Variants in TNN observed in about 807,000 individuals in gnomAD.
TNN encodes the protein tenascin N.
A neutral mutation model predicts 134.4 loss-of-function variants in TNN; 122 were observed. The observed-to-expected ratio is 0.91, with a 90% CI of 0.78 to 1.06. The LOEUF is 1.06. Ranked by LOEUF, TNN falls within the 50% of genes least tolerant of loss-of-function variation. The pLI is 0.00. For synonymous variants in TNN, 710 were observed against 670.3 expected (o/e 1.06, Z -0.91); for missense variants, 1,739 against 1,699.4 (o/e 1.02, Z -0.41).
chr1:175,105,408 C>A (rs1341944618), intron 9 of TNN, among the ~76,000 whole-genome samples: 2 of 145,126 alleles, frequency 1.4e-5, no homozygotes, highest in Non-Finnish European at 1.5e-5. Context: ...TCCTTCTGGG[C>A]AGGGGAGATT....
chr1:175,133,403 C>T (rs1036941110), intron 15 of TNN, among the ~76,000 whole-genome samples: 3 of 152,182 alleles, frequency 2.0e-5, no homozygotes, highest in African/African-American at 4.8e-5. Context: ...ACTGACACAG[C>T]CCTTGCTAAA....
chr1:175,111,357 C>T (rs1449140651), intron 9 of TNN, among the ~76,000 whole-genome samples: 4 of 150,710 alleles, frequency 2.7e-5, no homozygotes, highest in African/African-American at 9.7e-5. Flanking sequence ...CATGATGGTG[C>T]ACGCCTGTAA....
intron 6 of TNN, among the ~76,000 whole-genome samples, chr1:175,093,619 T>C (rs909982450): frequency 3.9e-5 from 6 of 152,046 alleles, no homozygotes; most frequent in African/African-American, 1.4e-4. Context: ...TGAGGAGAAC[T>C]AGGGAGGGGA....
chr1:175,076,281 G>T (rs138154004), intron 1 of TNN, among the ~76,000 whole-genome samples: 1 of 152,128 alleles, frequency 6.6e-6, no homozygotes, highest in Non-Finnish European at 1.5e-5. Context: ...ATCTCAGGTC[G>T]CCTGGCTTGA....
At chr1:175,069,236 T>C (rs1673864620) in intron 1 of TNN, among the ~76,000 whole-genome samples, 1 of 152,170 alleles carries the variant, frequency 6.6e-6, no homozygotes, top group South Asian at 2.1e-4. Context: ...CAGGGCTACG[T>C]ATTGGCAGCT....
chr1:175,083,736 C>T lies in TNN; in HGVS notation c.1049-14C>T, dbSNP rs1674254408. On this transcript the variant is annotated splice_polypyrimidine_tract_variant and intron_variant, in intron 4 of 18. Coordinates refer to ENST00000239462, the MANE Select transcript of TNN (RefSeq NM_022093.2). ...CTTCACCACTTTCTCTTGCCTCCGTCACCCCTGCCCTAGACCTTGCTGTGC... is the reference window on the plus strand; with the variant it reads ...CTTCACCACTTTCTCTTGCCTCCGTTACCCCTGCCCTAGACCTTGCTGTGC... The T allele has an allele frequency of 6.2e-7, 1 of 1,610,506 alleles. No individual in the cohort carries two copies. The highest frequency in any genetic ancestry group is 8.5e-7 in the Non-Finnish European group (1 of 1,177,958).
intron 9 of TNN, among the ~76,000 whole-genome samples, chr1:175,111,782 T>A (rs1675034578): frequency 6.6e-6 from 1 of 152,152 alleles, no homozygotes; most frequent in Non-Finnish European, 1.5e-5. Context: ...TCCTTGATTT[T>A]TTTTTTTATG....
intron 15 of TNN, among the ~76,000 whole-genome samples, chr1:175,135,084 C>T (rs562393865): frequency 2.0e-5 from 3 of 152,302 alleles, no homozygotes; most frequent in African/African-American, 7.2e-5. Flanking sequence ...CTGACCACTC[C>T]TACTCATCCT....
chr1:175,139,979 G>T (rs1359200136), intron 17 of TNN, among the ~76,000 whole-genome samples: 1 of 152,260 alleles, frequency 6.6e-6, no homozygotes, highest in South Asian at 2.1e-4. Flanking sequence ...TTATAATACA[G>T]TTGGGAAACA....
At position 175,104,814 on chromosome 1, in the gene TNN, A is replaced by G. The variant is rs938953617; in HGVS notation, c.2119+6219A>G. Among the ~76,000 whole-genome samples, 6 of 145,648 alleles carry G rather than the reference A, an allele frequency of 4.1e-5. 1 individual carries two copies. Among genetic ancestry groups the G allele is most frequent in the African/African-American group, 1.5e-4 (6 of 40,422 alleles). Reference sequence around the variant, plus strand: ...AGTGATTCGGGTGACAGGGGAGTATATTTTCTTAAGGCCTCTTGTAGCCGC... The same window carrying G: ...AGTGATTCGGGTGACAGGGGAGTATGTTTTCTTAAGGCCTCTTGTAGCCGC... On this transcript the variant is annotated intron_variant, in intron 9 of 18. Coordinates refer to ENST00000239462, the MANE Select transcript of TNN (RefSeq NM_022093.2).
rs151048294 is a variant in TNN, at chr1:175,094,091, C to T, written c.1426C>T (p.Arg476Cys). 53 of 1,614,158 alleles carry T rather than the reference C, an allele frequency of 3.3e-5. No individual in the cohort carries two copies. The highest frequency in any genetic ancestry group is 1.0e-4 in the Admixed American group (6 of 60,014). ...GGCTGTCATAGACAAGTATGTAGTG[C>T]GCTACACTTCTGCTGATGGGGACAC... is the stretch of plus-strand genomic sequence containing the variant. ...VQAVIDKYVV[R>C]YTSADGDTKE... The change falls in exon 7 of 19, where the codon CGC becomes TGC. Residue 476 changes from arginine to cysteine, a missense_variant. Physicochemically the swap from Arg to Cys is radical, Grantham distance 180. Coordinates refer to ENST00000239462, the MANE Select transcript of TNN (RefSeq NM_022093.2).
At chr1:175,112,665 T>G (rs1212124968) in intron 9 of TNN, among the ~76,000 whole-genome samples, 1 of 136,312 alleles carries the variant, frequency 7.3e-6, no homozygotes, top group Non-Finnish European at 1.5e-5. Context: ...TTGTCCAGGC[T>G]GGAATGCAGT....
rs1676102418 is a variant in TNN, at chr1:175,147,476, T to C, written c.*405T>C. On this transcript the variant is annotated 3_prime_UTR_variant, in exon 19 of 19. Coordinates refer to ENST00000239462, the MANE Select transcript of TNN (RefSeq NM_022093.2). ...GGAAAGAAGCACAGAGGAGGAGTTC[T>C]GATGACCCAGGGGTTAGGGCTGAGA... 1 of 156,254 alleles carries C rather than the reference T, an allele frequency of 6.4e-6. No homozygotes were observed. The highest frequency in any genetic ancestry group is 1.4e-5 in the Non-Finnish European group (1 of 70,964). The allele number at this position is 156,254 out of a possible 1,614,324, so 9.7% of individuals were successfully genotyped here. A position where few individuals can be genotyped will look rare whatever the true frequency, so the allele number is the denominator to read the frequency against.
At position 175,098,402 on chromosome 1, in the gene TNN, G is replaced by C. The variant is rs147467900; in HGVS notation, c.1926G>C (p.Pro642=). 6.2e-7 allele frequency: 1 copy of C among 1,614,160 alleles called. No individual in the cohort carries two copies. The highest frequency in any genetic ancestry group is 8.5e-7 in the Non-Finnish European group (1 of 1,180,020). Reference sequence around the variant, plus strand: ...ATATGGCCACGGTCTCCTGGGACCCGGTGCAGGCCGCCATTGACAAGTACG... The same window carrying C: ...ATATGGCCACGGTCTCCTGGGACCCCGTGCAGGCCGCCATTGACAAGTACG... ...TENMATVSWD[P]VQAAIDKYVV... The change falls in exon 9 of 19, where the codon CCG becomes CCC. Residue 642 remains proline (P), a synonymous_variant. Transcript: ENST00000239462.
chr1:175,075,495 C>T (rs1674019280), intron 1 of TNN, among the ~76,000 whole-genome samples: 1 of 152,124 alleles, frequency 6.6e-6, no homozygotes, highest in Non-Finnish European at 1.5e-5. Context: ...AAGGTTTCAC[C>T]ATGTTGGCCA....
At chr1:175,097,287 A>G (rs1432774755) in intron 7 of TNN, 130 bp from the exon 8 acceptor site, 4 of 1,214,228 alleles carry the variant, frequency 3.3e-6, no homozygotes, top group Non-Finnish European at 4.6e-6. Context: ...AGACCTTTAC[A>G]TTAACTCAAT....
rs201938683 is a variant in TNN, at chr1:175,118,630, C to T, written c.2456C>T (p.Pro819Leu). ...TENTATVSWDPVQATIDRYVV... is the reference protein window; with the variant it reads ...TENTATVSWDLVQATIDRYVV... ...AATACAGCCACTGTCTCCTGGGACC[C>T]GGTGCAGGCCACCATTGACAGGTAT... Residue 819 changes from proline to leucine, a missense_variant, in exon 11 of 19, where the codon CCG becomes CTG. Pro to Leu is a moderately conservative substitution (Grantham distance 98). Coordinates refer to ENST00000239462, the MANE Select transcript of TNN (RefSeq NM_022093.2). 1.4e-5 allele frequency: 23 copies of T among 1,614,188 alleles called. No homozygotes were observed. The highest frequency in any genetic ancestry group is 6.7e-5 in the African/African-American group (5 of 75,052).
At chr1:175,087,026 C>T (rs1311006154) in intron 6 of TNN, among the ~76,000 whole-genome samples, 1 of 152,156 alleles carries the variant, frequency 6.6e-6, no homozygotes, top group African/African-American at 2.4e-5. Flanking sequence ...TCAAGATTGC[C>T]CAGCCAGGAA....
chr1:175,080,506 C>T (rs943394646), intron 4 of TNN, 80 bp downstream of exon 4: 40 of 1,547,948 alleles, frequency 2.6e-5, no homozygotes, highest in Admixed American at 8.9e-5. Flanking sequence ...CACCTGTAGG[C>T]AGTTGCCTTG....
Sources: gnomAD v4.1 joint callset for allele counts (sites outside exome capture counted in the v4.1 genomes callset) on GRCh38, gnomAD v4.1.1 for gene constraint, MANE v1.5 for transcripts, NCBI Gene and HGNC (gene_info 2026-07-23, HGNC 2026-07-21) for gene names.